Variants in ASCC3 observed in about 807,000 individuals in gnomAD.
ASCC3 encodes the protein activating signal cointegrator 1 complex subunit 3.
In ASCC3, 158 loss-of-function variants were observed where a neutral mutation model predicts 256.3. The ratio of observed to expected loss-of-function variants is 0.62; its 90% CI spans 0.54 to 0.70. ASCC3 has a LOEUF of 0.70. Among genes scored for constraint, ASCC3 ranks in the 30% least tolerant of loss-of-function variants. The pLI, the probability that ASCC3 is intolerant of heterozygous loss-of-function variation, is 0.00. For missense variants in ASCC3, 2,259 were observed against 2,626.0 expected (o/e 0.86, Z 3.05); for synonymous variants, 948 against 883.4 (o/e 1.07, Z -1.30).
At chr6:100,816,637 C>A (rs9498397) in intron 4 of ASCC3, among the ~76,000 whole-genome samples, 9,876 of 152,068 alleles carry the variant, frequency 0.065, 727 homozygotes, top group East Asian at 0.3. Flanking sequence ...TTATCTTTAG[C>A]AAACTAGCAC....
chr6:100,566,808 T>G (rs1231207048), intron 36 of ASCC3, among the ~76,000 whole-genome samples: 1 of 151,496 alleles, frequency 6.6e-6, no homozygotes. Flanking sequence ...CATCCCTGCC[T>G]CCCTAGCTCC....
rs1178661663 is a variant in ASCC3 at position 100,864,169 on chromosome 6, T to A, written c.136A>T (p.Thr46Ser). 6.2e-7 allele frequency: 1 copy of A among 1,607,562 alleles called. No homozygotes were observed. The highest frequency in any genetic ancestry group is 8.5e-7 in the Non-Finnish European group (1 of 1,175,938). ...AAAAATTTTATTATCTTCTTCCATG[T>A]CAGGCCCAAATCTAAAACTTGTTCA... The part of the protein sequence containing the change: ...LHEQVLDLGL[T>S]WKKIIKFLNE... The change falls in exon 3 of 42, where the codon ACA becomes TCA. Residue 46 changes from threonine (T) to serine (S), a missense_variant. Thr to Ser is a moderately conservative substitution (Grantham distance 58). Coordinates refer to ENST00000369162, the MANE Select transcript of ASCC3 (RefSeq NM_006828.4).
intron 36 of ASCC3, among the ~76,000 whole-genome samples, chr6:100,582,272 T>C (rs1015005693): frequency 6.6e-6 from 1 of 152,100 alleles, no homozygotes; most frequent in African/African-American, 2.4e-5. Flanking sequence ...TGAGCAGTGG[T>C]TTGTAGTTCT....
intron 13 of ASCC3, among the ~76,000 whole-genome samples, chr6:100,688,750 G>C (rs1777701721): frequency 6.6e-6 from 1 of 152,168 alleles, no homozygotes; most frequent in African/African-American, 2.4e-5. Context: ...GGCTCGCCTA[G>C]CACTGGTCCC....
intron 11 of ASCC3, among the ~76,000 whole-genome samples, chr6:100,723,278 T>C (rs1236226562): frequency 6.6e-6 from 1 of 151,766 alleles, no homozygotes; most frequent in Non-Finnish European, 1.5e-5. Context: ...AAATAATTTA[T>C]TTGGTCTCAC....
At chr6:100,795,912 A>T (rs886321812) in intron 8 of ASCC3, among the ~76,000 whole-genome samples, 13 of 152,136 alleles carry the variant, frequency 8.5e-5, no homozygotes, top group Admixed American at 4.6e-4. Flanking sequence ...ACTATCTGAC[A>T]TTCTGTTAAT....
In ASCC3 at chr6:100,608,155, C is replaced by CATATATATGTATAT. The variant is rs1562161442; in HGVS notation, c.4786-1068_4786-1067insATATACATATATAT. Among the ~76,000 whole-genome samples the CATATATATGTATAT allele has an allele frequency of 6.7e-4, 77 of 114,214 alleles. 1 individual carries two copies. Among genetic ancestry groups the CATATATATGTATAT allele is most frequent in the African/African-American group, 2.5e-3 (76 of 29,840 alleles). 74.9% of individuals were successfully genotyped at this position (114,214 alleles called of 152,430 possible). A position where few individuals can be genotyped will look rare whatever the true frequency, so the allele number is the denominator to read the frequency against. Reference sequence around the variant, plus strand: ...ATATATGTATATATATCTATATATACATATTTATATACATATTTATATATG... The same window carrying CATATATATGTATAT: ...ATATATGTATATATATCTATATATACATATATATGTATATATATTTATATACATATTTATATATG... On this transcript the variant is annotated intron_variant, in intron 30 of 41. Transcript: ENST00000369162.
chr6:100,758,646 A>C lies in ASCC3; in HGVS notation c.1737+7919T>G, dbSNP rs147521622. On this transcript the variant is annotated intron_variant, in intron 10 of 41. Transcript: ENST00000369162. ...CTTTATCCAGTCTACCATTGTTGGC[A>C]TTTGGGTTGGTTTCCTATCTTTGCT... 3.9e-3 allele frequency among the ~76,000 whole-genome samples: 596 copies of C among 152,172 alleles called. 15 individuals carry two copies. The highest frequency in any genetic ancestry group is 8.7e-4 in the Non-Finnish European group (59 of 68,012).
In ASCC3 at chr6:100,583,387, G is replaced by A. The variant is rs1771430202; in HGVS notation, c.5550+6247C>T. 4.0e-5 allele frequency among the ~76,000 whole-genome samples: 6 copies of A among 151,830 alleles called. No individual in the cohort carries two copies. In the South Asian group the frequency reaches 1.2e-3, roughly 31 times the overall value. The stretch of plus-strand genomic sequence containing the variant: ...GTTTATTTGCGTAGAGGTGTTTGTA[G>A]TATTCTCTGATGGTAGTGTTGTATT... On this transcript the variant is annotated intron_variant, in intron 36 of 41. Transcript: ENST00000369162.
At chr6:100,764,321 G>A (rs1182798455) in intron 10 of ASCC3, among the ~76,000 whole-genome samples, 1 of 152,042 alleles carries the variant, frequency 6.6e-6, no homozygotes, top group Non-Finnish European at 1.5e-5. Context: ...TTAAAGAATG[G>A]GCAAGATTTG....
intron 4 of ASCC3, among the ~76,000 whole-genome samples, chr6:100,830,246 T>C (rs577609958): frequency 5.3e-5 from 8 of 152,014 alleles, no homozygotes; most frequent in South Asian, 2.1e-4. Flanking sequence ...TAGCAACTTA[T>C]AGACAAAAAA....
chr6:100,695,655 A>C (rs1291854818), intron 13 of ASCC3, among the ~76,000 whole-genome samples: 1 of 152,084 alleles, frequency 6.6e-6, no homozygotes. Context: ...TCCTCAAGGG[A>C]GTCTGGTAAC....
In ASCC3 at chr6:100,650,599, T is replaced by C. The variant is rs1424990555; in HGVS notation, c.3191A>G (p.Tyr1064Cys). ...YGKINILLQT[Y>C]ISRGEMDSFS... Reference sequence around the variant, plus strand: ...ACTGTCCATTTCTCCTCGGCTGATATAAGTTTGAAGTAAGATGTTTATTTT... The same window carrying C: ...ACTGTCCATTTCTCCTCGGCTGATACAAGTTTGAAGTAAGATGTTTATTTT... Residue 1064 changes from tyrosine to cysteine, a missense_variant, in exon 20 of 42, where the codon TAT (tyrosine) becomes TGT (cysteine). Around this residue, in one of 2 missense-constraint regions of ASCC3, gnomAD observed 1,839 missense variants for 2,206.7 expected, o/e 0.83. Transcript: ENST00000369162. 2 of 1,612,878 alleles carry C rather than the reference T, an allele frequency of 1.2e-6. No individual in the cohort carries two copies. Among genetic ancestry groups the C allele is most frequent in the Non-Finnish European group, 1.7e-6 (2 of 1,179,148 alleles).
intron 21 of ASCC3, 39 bp downstream of exon 21, chr6:100,647,187 A>T: frequency 6.5e-7 from 1 of 1,527,618 alleles, no homozygotes; most frequent in South Asian, 1.1e-5. Flanking sequence ...TTTTATTTGC[A>T]CAAAACAATA....
rs564819594 is a variant in ASCC3, at chr6:100,588,997, C to T, written c.5550+637G>A. Among the ~76,000 whole-genome samples, 17 of 151,852 alleles carry T rather than the reference C, an allele frequency of 1.1e-4. No individual in the cohort carries two copies. In the South Asian group the frequency reaches 3.5e-3, roughly 32 times the overall value. On this transcript the variant is annotated intron_variant, in intron 36 of 41. Transcript: ENST00000369162. ...AACAAAGTTTTGTGGTAAATTATTA[C>T]ACTTAAAATCAACAAAGGGAAAAAA...
chr6:100,722,729 G>C (rs1031214682), intron 11 of ASCC3, among the ~76,000 whole-genome samples: 5 of 151,646 alleles, frequency 3.3e-5, no homozygotes, highest in African/African-American at 7.3e-5. Context: ...AGAACAGCTT[G>C]CTTTTTCAGT....
intron 8 of ASCC3, among the ~76,000 whole-genome samples, chr6:100,770,909 G>T (rs1326500312): frequency 6.7e-6 from 1 of 150,366 alleles, no homozygotes; most frequent in African/African-American, 2.5e-5. Flanking sequence ...TCCCACCAGG[G>T]TTTCCTATGG....
At chr6:100,722,985 A>C (rs1255616696) in intron 11 of ASCC3, among the ~76,000 whole-genome samples, 1 of 151,822 alleles carries the variant, frequency 6.6e-6, no homozygotes, top group Non-Finnish European at 1.5e-5. Flanking sequence ...GAATACTGGT[A>C]TTACTAGATC....
At chr6:100,833,364 T>C (rs1174658136) in intron 4 of ASCC3, among the ~76,000 whole-genome samples, 1 of 152,210 alleles carries the variant, frequency 6.6e-6, no homozygotes, top group Non-Finnish European at 1.5e-5. Context: ...TTCTGTATAA[T>C]ACTGTGATGG....
Sources: allele counts gnomAD v4.1 joint callset (sites outside exome capture counted in the v4.1 genomes callset), GRCh38; gene constraint gnomAD v4.1.1; regional missense constraint gnomAD v4.1.1; transcripts MANE v1.5; gene names NCBI Gene and HGNC (gene_info 2026-07-23, HGNC 2026-07-21).